Variants in VEGFC observed in about 807,000 individuals in gnomAD.
The protein encoded by VEGFC is FLT4 ligand DHM.
VEGFC carries 12 observed loss-of-function variants against 46.1 expected under a neutral mutation model. The observed-to-expected ratio is 0.26, with a 90% CI of 0.17 to 0.42. VEGFC has a LOEUF of 0.42. Among genes scored for constraint, VEGFC ranks in the 10% least tolerant of loss-of-function variants. VEGFC has a pLI of 1.00. For synonymous variants in VEGFC, 232 were observed against 195.5 expected, an observed-to-expected ratio of 1.19 and a Z score of -1.56; for missense variants, 488 against 529.4, an observed-to-expected ratio of 0.92 and a Z score of 0.77.
Position 176,787,202 on chromosome 4 carries a change from C to CT in VEGFC, c.147+4962dup, listed in dbSNP as rs200621965. Among the ~76,000 whole-genome samples the CT allele has an allele frequency of 1.8e-4, 27 of 152,042 alleles. 1 individual carries two copies. The East Asian group carries it at 5.2e-3, about 29-fold the overall frequency. ...TGGGGCCGGGCGCAGTGGCTCATGC[C>CT]TGTAATCCCAGCACTTTAGGAGATC... On this transcript the variant is annotated intron_variant, in intron 1 of 6. Coordinates refer to ENST00000618562, the MANE Select transcript of VEGFC (RefSeq NM_005429.5).
intron 4 of VEGFC, among the ~76,000 whole-genome samples, chr4:176,690,651 TGATA>T (rs1230636927): frequency 6.6e-6 from 1 of 152,208 alleles, no homozygotes; most frequent in African/African-American, 2.4e-5. Flanking sequence ...TATATCCTCT[TGATA>T]GTTAGCATCC....
chr4:176,697,779 T>G (rs546023865), intron 4 of VEGFC, among the ~76,000 whole-genome samples: 14,667 of 149,818 alleles, frequency 0.098, 2,128 homozygotes, highest in African/African-American at 0.35. Context: ...ATGTGGCACA[T>G]ATACACCATG....
At chr4:176,766,563 T>C (rs11722199) in intron 1 of VEGFC, among the ~76,000 whole-genome samples, 123,190 of 148,690 alleles carry the variant, frequency 0.83, 52,469 homozygotes, top group East Asian at 1. Flanking sequence ...CTTCAGCCTG[T>C]GTGACAGAAT....
chr4:176,737,128 T>C (rs1416862393), intron 1 of VEGFC, among the ~76,000 whole-genome samples: 1 of 150,412 alleles, frequency 6.6e-6, no homozygotes, highest in African/African-American at 2.4e-5. Flanking sequence ...ATAAACATCC[T>C]AACGTCAAAT....
intron 3 of VEGFC, among the ~76,000 whole-genome samples, chr4:176,715,318 C>T (rs1307814300): frequency 6.6e-6 from 1 of 152,074 alleles, no homozygotes; most frequent in Non-Finnish European, 1.5e-5. Flanking sequence ...TAAATTTTGA[C>T]CTGCTACTTG....
chr4:176,728,169 C>G (rs1734904542), intron 2 of VEGFC, among the ~76,000 whole-genome samples: 1 of 152,120 alleles, frequency 6.6e-6, no homozygotes, highest in African/African-American at 2.4e-5. Flanking sequence ...AAGGATATTT[C>G]TTAAACTCAT....
chr4:176,788,067 T>A (rs915864466), intron 1 of VEGFC, among the ~76,000 whole-genome samples: 3 of 152,226 alleles, frequency 2.0e-5, no homozygotes, highest in African/African-American at 7.2e-5. Context: ...TTCTGCCAAC[T>A]TAAATTTGTT....
chr4:176,722,255 A>G (rs11131752), intron 3 of VEGFC, among the ~76,000 whole-genome samples: 110,827 of 152,022 alleles, frequency 0.73, 44,777 homozygotes, highest in East Asian at 0.94. Flanking sequence ...AACTCATATC[A>G]ACATTGTAAA....
At chr4:176,756,138 C>T (rs548530610) in intron 1 of VEGFC, among the ~76,000 whole-genome samples, 1 of 151,950 alleles carries the variant, frequency 6.6e-6, no homozygotes, top group African/African-American at 2.4e-5. Flanking sequence ...ACATTCATGA[C>T]TTTTTAAATC....
At chr4:176,754,576 C>T (rs1735401763) in intron 1 of VEGFC, among the ~76,000 whole-genome samples, 1 of 151,970 alleles carries the variant, frequency 6.6e-6, no homozygotes, top group African/African-American at 2.4e-5. Context: ...AATCTGACTC[C>T]ACATCCTCTC....
At chr4:176,774,191 C>T (rs1258341594) in intron 1 of VEGFC, among the ~76,000 whole-genome samples, 2 of 152,046 alleles carry the variant, frequency 1.3e-5, no homozygotes, top group African/African-American at 4.8e-5. Flanking sequence ...TATGTCACTA[C>T]TTGCAATTAT....
At chr4:176,756,543 T>C (rs568847611) in intron 1 of VEGFC, among the ~76,000 whole-genome samples, 20 of 152,092 alleles carry the variant, frequency 1.3e-4, no homozygotes, top group African/African-American at 4.8e-4. Context: ...AAGAATGTGC[T>C]TACATGTTAG....
intron 4 of VEGFC, among the ~76,000 whole-genome samples, chr4:176,698,790 A>G (rs180747336): frequency 1.3e-5 from 2 of 152,254 alleles, no homozygotes; most frequent in African/African-American, 2.4e-5. Flanking sequence ...GATTCCATAT[A>G]TAAGGGAGAT....
chr4:176,711,687 A>G (rs1734622953), intron 3 of VEGFC, 37 bp from the exon 4 acceptor site: 18 of 1,606,072 alleles, frequency 1.1e-5, no homozygotes, highest in Non-Finnish European at 1.4e-5. Flanking sequence ...AAAATTATAT[A>G]GATGCTGTAA....
At chr4:176,711,282 T>C (rs545638768) in intron 4 of VEGFC, among the ~76,000 whole-genome samples, 1 of 152,318 alleles carries the variant, frequency 6.6e-6, no homozygotes, top group East Asian at 1.9e-4. Context: ...TTCTTTTATA[T>C]TGTGAATTAC....
chr4:176,778,171 G>C (rs903865463), intron 1 of VEGFC, among the ~76,000 whole-genome samples: 1 of 151,980 alleles, frequency 6.6e-6, no homozygotes, highest in Non-Finnish European at 1.5e-5. Context: ...TCAGAGTAAA[G>C]CATAAATAGG....
chr4:176,764,232 A>G (rs1428283999), intron 1 of VEGFC, among the ~76,000 whole-genome samples: 1 of 152,200 alleles, frequency 6.6e-6, no homozygotes, highest in African/African-American at 2.4e-5. Flanking sequence ...TCCCTTGGGT[A>G]ATATAATATG....
intron 4 of VEGFC, among the ~76,000 whole-genome samples, chr4:176,700,938 C>T (rs1185283300): frequency 6.6e-6 from 1 of 152,034 alleles, no homozygotes; most frequent in Non-Finnish European, 1.5e-5. Context: ...TGGTTGATGC[C>T]AGGAATACAG....
chr4:176,684,741 T>A (rs374207783), intron 6 of VEGFC, among the ~76,000 whole-genome samples: 45 of 152,330 alleles, frequency 3.0e-4, no homozygotes, highest in Middle Eastern at 3.4e-3. Context: ...GGCTTCATTT[T>A]TTGAGACAGA....
Sources: gnomAD v4.1 joint callset for allele counts (sites outside exome capture counted in the v4.1 genomes callset) on GRCh38, gnomAD v4.1.1 for gene constraint, MANE v1.5 for transcripts, NCBI Gene and HGNC (gene_info 2026-07-23, HGNC 2026-07-21) for gene names.